The following PYHIN1 variants were observed in gnomAD, a reference collection of about 807,000 sequenced individuals.
The protein encoded by PYHIN1 is pyrin and HIN domain-containing protein 1.
Under a neutral mutation model 43.7 loss-of-function variants are expected in PYHIN1, and 32 were observed. That is an observed-to-expected ratio of 0.73 (90% CI 0.55 to 0.98). PYHIN1 has a LOEUF of 0.98. PYHIN1 is among the 50% of genes least tolerant of loss of function. The pLI, the probability that PYHIN1 is intolerant of heterozygous loss-of-function variation, is 0.00. For synonymous variants in PYHIN1, 205 were observed against 203.1 expected (o/e 1.01, Z -0.08); for missense variants, 588 against 589.5 (o/e 1.00, Z 0.03).
chr1:158,939,739 C>A, intron 4 of PYHIN1: 1 of 553,326 alleles, frequency 1.8e-6, no homozygotes, highest in Non-Finnish European at 3.2e-6. Context: ...GTTAAATCTT[C>A]ATGGTGTTCT....
chr1:158,941,585 A>C (rs891901310), intron 4 of PYHIN1, among the ~76,000 whole-genome samples: 1 of 152,186 alleles, frequency 6.6e-6, no homozygotes, highest in Non-Finnish European at 1.5e-5. Flanking sequence ...TACCATTTTC[A>C]GCGCTATTCA....
chr1:158,933,710 A>G lies in PYHIN1; in HGVS notation c.-21+1934A>G, dbSNP rs538609958. Among the ~76,000 whole-genome samples, 57 of 152,154 alleles carry G rather than the reference A, an allele frequency of 3.7e-4. No homozygotes were observed. The highest frequency in any genetic ancestry group is 1.6e-3 in the Admixed American group (24 of 15,272). ...TCCTACTTGTCTGTTTTTAAAACTT[A>G]TATTTCCATCTCACCCTTTAAGACA... On this transcript the variant is annotated intron_variant, in intron 1 of 8. Transcript: ENST00000368140. This position sits in a 1 kb window ranked among gnomAD's most constrained non-coding sequence, Gnocchi z 6.3.
the PYHIN1 span, among the ~76,000 whole-genome samples, chr1:158,989,964 A>G: frequency 6.6e-6 from 1 of 152,062 alleles, no homozygotes; most frequent in Admixed American, 6.5e-5. Flanking sequence ...TATCTACAGA[A>G]CCTTAAAGAT....
chr1:158,958,035 G>A (rs1341977198), intron 7 of PYHIN1, among the ~76,000 whole-genome samples: 1 of 152,242 alleles, frequency 6.6e-6, no homozygotes, highest in Non-Finnish European at 1.5e-5. Context: ...TCAGAGAAAT[G>A]CCAATCTAAA....
chr1:158,969,999 C>T (rs1650846668), intron 7 of PYHIN1, among the ~76,000 whole-genome samples: 1 of 151,926 alleles, frequency 6.6e-6, no homozygotes, highest in African/African-American at 2.4e-5. Flanking sequence ...AGCAGGAAAG[C>T]CTTGCCCATT....
chr1:158,932,290 G>A (rs556136863), intron 1 of PYHIN1, among the ~76,000 whole-genome samples: 8 of 151,844 alleles, frequency 5.3e-5, no homozygotes, highest in African/African-American at 7.3e-5. Context: ...AACGGTAGAC[G>A]CTGGGGACTG....
At position 158,973,913 on chromosome 1, in the gene PYHIN1, T is replaced by C. The variant is rs1238178501; in HGVS notation, c.*5+142T>C. 6 of 981,794 alleles carry C rather than the reference T, an allele frequency of 6.1e-6. No individual in the cohort carries two copies. In the Admixed American group the frequency reaches 1.1e-4, roughly 18 times the overall value. The allele number at this position is 981,794 out of a possible 1,614,324, so 60.8% of individuals were successfully genotyped here. On this transcript the variant is annotated intron_variant, in intron 8 of 8. Coordinates refer to ENST00000368140, the MANE Select transcript of PYHIN1 (RefSeq NM_152501.5). ...CATTTCTCATTCATTTATCAATATA[T>C]AATTGGACATGCCACTGGATTCTAA... is the stretch of plus-strand genomic sequence containing the variant.
chr1:158,983,822 T>C, the PYHIN1 span, among the ~76,000 whole-genome samples: 1 of 152,160 alleles, frequency 6.6e-6, no homozygotes, highest in Non-Finnish European at 1.5e-5. Context: ...CAGAACTTGT[T>C]ATTGATCTGT....
At chr1:158,951,576 GC>G (rs1374648049) in intron 7 of PYHIN1, among the ~76,000 whole-genome samples, 1 of 152,194 alleles carries the variant, frequency 6.6e-6, no homozygotes, top group African/African-American at 2.4e-5. Flanking sequence ...CACCAGACTA[GC>G]GCTTTTCCAT....
Position 158,976,808 on chromosome 1 carries a change from T to C in PYHIN1, c.*113T>C, listed in dbSNP as rs1651289430. The stretch of plus-strand genomic sequence containing the variant: ...AAACCTGATGCCATTGGTAATGATG[T>C]TTATGAAGATAAGATCAAAGCACAG... On this transcript the variant is annotated 3_prime_UTR_variant, in exon 9 of 9. Transcript: ENST00000368140. 3 of 952,744 alleles carry C rather than the reference T, an allele frequency of 3.1e-6. No individual in the cohort carries two copies. The highest frequency in any genetic ancestry group is 5.0e-6 in the Non-Finnish European group (3 of 600,834). 59.0% of individuals were successfully genotyped at this position (952,744 alleles called of 1,614,324 possible). A position where few individuals can be genotyped will look rare whatever the true frequency, so the allele number is the denominator to read the frequency against.
chr1:158,942,406 C>T lies in PYHIN1; in HGVS notation c.1002+7C>T, dbSNP rs748680724. The T allele has an allele frequency of 6.4e-7, 1 of 1,554,286 alleles. No individual in the cohort carries two copies. Among genetic ancestry groups the T allele is most frequent in the South Asian group, 1.2e-5 (1 of 80,590 alleles). On this transcript the variant is annotated splice_region_variant and intron_variant, in intron 5 of 8. Transcript: ENST00000368140. ...ATTATTTATGCTACATACGGTAAGG[C>T]ATCAAAGCTATTTTGTGGCATTTTC...
intron 7 of PYHIN1, among the ~76,000 whole-genome samples, chr1:158,962,020 A>G (rs943859937): frequency 6.6e-6 from 1 of 152,144 alleles, no homozygotes; most frequent in Admixed American, 6.5e-5. Context: ...GCAGCTCTGC[A>G]CTTCCCTGGG....
chr1:158,944,055 T>C (rs1649080665), intron 6 of PYHIN1, 77 bp downstream of exon 6: 1 of 1,279,084 alleles, frequency 7.8e-7, no homozygotes, highest in East Asian at 2.4e-5. Flanking sequence ...GCCATACTTC[T>C]GTTGTTTTAC....
At position 158,939,123 on chromosome 1, in the gene PYHIN1, G is replaced by A. The variant is rs1648742599; in HGVS notation, c.455G>A (p.Ser152Asn). The change falls in exon 4 of 9, where the codon AGT becomes AAT. Residue 152 changes from serine (S) to asparagine (N), a missense_variant. By Grantham distance (46) the Ser-to-Asn change is conservative (BLOSUM62 1). Transcript: ENST00000368140. ...GAAGAAGAGACTGGAACCAAAAGGA[G>A]TAAGATGTCCAAAGAGCAGACTCGG... ...PSEEETGTKRSKMSKEQTRPS... is the reference protein window; with the variant it reads ...PSEEETGTKRNKMSKEQTRPS... 4 of 1,611,520 alleles carry A rather than the reference G, an allele frequency of 2.5e-6. No homozygotes were observed. The highest frequency in any genetic ancestry group is 1.7e-4 in the Middle Eastern group (1 of 6,044).
chr1:158,975,319 TC>T (rs780011605), intron 8 of PYHIN1, among the ~76,000 whole-genome samples: 2 of 152,094 alleles, frequency 1.3e-5, no homozygotes, highest in African/African-American at 2.4e-5. Context: ...TTATTTTTCA[TC>T]TTTTGTCATG....
the PYHIN1 span, among the ~76,000 whole-genome samples, chr1:158,990,080 C>T: frequency 2.2e-3 from 324 of 149,514 alleles, 3 homozygotes; most frequent in South Asian, 5.0e-3. Flanking sequence ...GAATAGTCAA[C>T]TTCCACTCAT....
At chr1:158,958,543 A>G (rs1166826941) in intron 7 of PYHIN1, among the ~76,000 whole-genome samples, 1 of 142,664 alleles carries the variant, frequency 7.0e-6, no homozygotes, top group Non-Finnish European at 1.5e-5. Context: ...ACTCATAGGT[A>G]GGAATTGAAC....
Position 158,938,452 on chromosome 1 carries a change from G to A in PYHIN1, c.321G>A (p.Thr107=). Residue 107 remains threonine, a synonymous_variant, in exon 3 of 9, where the codon ACG becomes ACA. Transcript: ENST00000368140. ...AAGGAATAATCCCATCTAAAAAGAC[G>A]AAACAGAAAGAAGTGTATCCTGCTA... ...PVKGIIPSKK[T]KQKEVYPATP... The A allele has an allele frequency of 2.5e-6, 4 of 1,614,100 alleles. No homozygotes were observed. Among genetic ancestry groups the A allele is most frequent in the South Asian group, 1.1e-5 (1 of 91,084 alleles).
intron 7 of PYHIN1, among the ~76,000 whole-genome samples, chr1:158,960,614 C>G (rs1042305196): frequency 6.6e-6 from 1 of 152,212 alleles, no homozygotes; most frequent in African/African-American, 2.4e-5. Flanking sequence ...TGCCACTCAT[C>G]ATGGGTTTGC....
Sources: gnomAD v4.1 joint callset for allele counts (sites outside exome capture counted in the v4.1 genomes callset) on GRCh38, gnomAD v4.1.1 for gene constraint, Gnocchi (gnomAD v3.1) non-coding constraint, MANE v1.5 for transcripts, NCBI Gene and HGNC (gene_info 2026-07-23, HGNC 2026-07-21) for gene names.